The following UPK1B variants were observed in gnomAD, a reference collection of about 807,000 sequenced individuals.
UPK1B encodes uroplakin 1B, also known as uroplakin-1b.
UPK1B carries 28 observed loss-of-function variants against 34.2 expected under a neutral mutation model. That is an observed-to-expected ratio of 0.82 (90% confidence interval 0.61 to 1.12). The LOEUF is 1.12. UPK1B is among the 50% of genes most tolerant of loss of function. The pLI is 0.00. For missense variants in UPK1B, 325 were observed against 320.9 expected, an observed-to-expected ratio of 1.01 and a Z score of -0.10; for synonymous variants, 81 against 110.4, an observed-to-expected ratio of 0.73 and a Z score of 1.67.
chr3:119,196,160 T>G (rs1394530020), intron 6 of UPK1B, among the ~76,000 whole-genome samples: 3 of 152,210 alleles, frequency 2.0e-5, no homozygotes, highest in African/African-American at 7.2e-5. Flanking sequence ...TCAACCTCAC[T>G]CATTCTGCTC....
intron 1 of UPK1B, among the ~76,000 whole-genome samples, chr3:119,180,177 G>A (rs915974257): frequency 2.0e-5 from 3 of 152,202 alleles, no homozygotes; most frequent in Admixed American, 6.5e-5. Context: ...CTCTGTTACA[G>A]TCCTCTTAGG....
rs758228581 is a variant in UPK1B, at chr3:119,203,999, C to G, written c.*32C>G. ...AGTGTTGCCACCATACCTCCTTCCC[C>G]GAGTGACTCTGGATTTGGTGCTGGA... On this transcript the variant is annotated 3_prime_UTR_variant, in exon 8 of 8. Transcript: ENST00000264234. 1.9e-6 allele frequency: 3 copies of G among 1,611,146 alleles called. No homozygotes were observed. Among genetic ancestry groups the G allele is most frequent in the South Asian group, 1.1e-5 (1 of 91,032 alleles).
chr3:119,189,491 A>C (rs1420621215), intron 3 of UPK1B, among the ~76,000 whole-genome samples: 2 of 152,244 alleles, frequency 1.3e-5, no homozygotes, highest in Non-Finnish European at 2.9e-5. Context: ...CTGTTCGGAT[A>C]TTTTCCAGCC....
rs1246711333 is a variant in UPK1B at position 119,184,124 on chromosome 3, TTTTC to T, written c.-28-2588_-28-2585del. ...TCAGAGCAAGTTTCTACCTTCCTTC[TTTTC>T]TCCCACTTTTATCTGCGTTTTCCAC... On this transcript the variant is annotated intron_variant, in intron 1 of 7. Coordinates refer to ENST00000264234, the MANE Select transcript of UPK1B (RefSeq NM_006952.4). 2.0e-5 allele frequency among the ~76,000 whole-genome samples: 3 copies of T among 152,214 alleles called. No homozygotes were observed. In the East Asian group the frequency reaches 5.8e-4, roughly 29 times the overall value.
At chr3:119,198,944 G>A in intron 6 of UPK1B, 113 bp from the exon 7 acceptor site, 4 of 1,183,782 alleles carry the variant, frequency 3.4e-6, no homozygotes, top group Admixed American at 2.1e-5. Context: ...GCCTGGATAT[G>A]TGAAATCAGA....
chr3:119,179,600 C>T (rs2077979044), intron 1 of UPK1B, among the ~76,000 whole-genome samples: 1 of 138,842 alleles, frequency 7.2e-6, no homozygotes, highest in African/African-American at 2.7e-5. Flanking sequence ...AGCTCGGCCT[C>T]CCGGGTTCAC....
chr3:119,194,373 G>A lies in UPK1B; in HGVS notation c.623G>A (p.Gly208Asp). The change falls in exon 6 of 8, where the codon GGC (glycine) becomes GAC (aspartate). Residue 208 changes from glycine to aspartate, a missense_variant. Physicochemically the swap from Gly to Asp is moderately conservative, Grantham distance 94. Transcript: ENST00000264234. ...CTCAACCTGGAGGCTTGTAAACTAGGCGTGCCTGGTTTTTATCACAATCAG... is the reference window on the plus strand; with the variant it reads ...CTCAACCTGGAGGCTTGTAAACTAGACGTGCCTGGTTTTTATCACAATCAG... Reference protein sequence around the residue: ...EPLNLEACKLGVPGFYHNQGC... With the variant: ...EPLNLEACKLDVPGFYHNQGC... The A allele has an allele frequency of 6.2e-7, 1 of 1,612,802 alleles. No homozygotes were observed. The highest frequency in any genetic ancestry group is 8.5e-7 in the Non-Finnish European group (1 of 1,179,712).
intron 1 of UPK1B, among the ~76,000 whole-genome samples, chr3:119,179,350 G>GAGATAGATAGAT (rs1559899935): frequency 1.7e-5 from 1 of 59,776 alleles, no homozygotes; most frequent in African/African-American, 5.5e-5. Flanking sequence ...GAGAGAGAGG[G>GAGATAGATAGAT]AGATATATAT....
At chr3:119,199,598 G>A (rs1027634892) in intron 7 of UPK1B, among the ~76,000 whole-genome samples, 8 of 152,186 alleles carry the variant, frequency 5.3e-5, no homozygotes, top group Admixed American at 2.6e-4. Flanking sequence ...TTTATCTGAC[G>A]CATATGCAGC....
intron 2 of UPK1B, among the ~76,000 whole-genome samples, chr3:119,187,091 A>G (rs934396071): frequency 2.6e-5 from 4 of 152,188 alleles, no homozygotes; most frequent in Non-Finnish European, 4.4e-5. Context: ...CTGACTACGA[A>G]CACACTTCAC....
intron 5 of UPK1B, among the ~76,000 whole-genome samples, chr3:119,191,428 T>C (rs756608203): frequency 6.6e-6 from 1 of 152,152 alleles, no homozygotes; most frequent in Non-Finnish European, 1.5e-5. Context: ...CTTGATTTGA[T>C]CACCCAATTT....
At chr3:119,184,339 C>G (rs867470164) in intron 1 of UPK1B, among the ~76,000 whole-genome samples, 1 of 152,116 alleles carries the variant, frequency 6.6e-6, no homozygotes, top group African/African-American at 2.4e-5. Context: ...AGCCCCTCAG[C>G]GGTGCCTCTG....
intron 7 of UPK1B, among the ~76,000 whole-genome samples, chr3:119,200,923 A>C (rs2078087926): frequency 6.6e-6 from 1 of 152,208 alleles, no homozygotes; most frequent in Non-Finnish European, 1.5e-5. Context: ...TTATGAATGA[A>C]TACTTCCTTT....
At chr3:119,179,388 TATATATATATTAA>T (rs1375107287) in intron 1 of UPK1B, among the ~76,000 whole-genome samples, 2 of 93,304 alleles carry the variant, frequency 2.1e-5, no homozygotes, top group African/African-American at 1.1e-4. Flanking sequence ...TATATATATA[TATATATATATTAA>T]TTCTAAGGAA....
intron 1 of UPK1B, among the ~76,000 whole-genome samples, chr3:119,183,261 C>CT (rs11455368): frequency 0.011 from 1,443 of 129,522 alleles, 7 homozygotes; most frequent in African/African-American, 0.029. Context: ...CCAAGCTTCC[C>CT]TTTTTTTTTG....
intron 7 of UPK1B, among the ~76,000 whole-genome samples, chr3:119,202,530 C>T (rs565249573): frequency 6.6e-6 from 1 of 152,272 alleles, no homozygotes; most frequent in Non-Finnish European, 1.5e-5. Context: ...ACTGCTCTAG[C>T]TTGGGGTAGG....
chr3:119,185,195 G>A (rs927347204), intron 1 of UPK1B, among the ~76,000 whole-genome samples: 1 of 152,164 alleles, frequency 6.6e-6, no homozygotes, highest in African/African-American at 2.4e-5. Flanking sequence ...AGCTAAAAGT[G>A]CTCATAAATT....
chr3:119,201,762 T>C (rs576556594), intron 7 of UPK1B, among the ~76,000 whole-genome samples: 62 of 152,258 alleles, frequency 4.1e-4, no homozygotes, highest in African/African-American at 1.3e-3. Flanking sequence ...TCTCACAACA[T>C]CCTGAGCACA....
intron 7 of UPK1B, among the ~76,000 whole-genome samples, chr3:119,203,319 C>A (rs1218097649): frequency 4.3e-5 from 5 of 116,300 alleles, no homozygotes; most frequent in Non-Finnish European, 8.1e-5. Flanking sequence ...CCAGCCTGGG[C>A]GACAGAGCGA....
Sources: gnomAD v4.1 joint callset for allele counts (sites outside exome capture counted in the v4.1 genomes callset) on GRCh38, gnomAD v4.1.1 for gene constraint, MANE v1.5 for transcripts, NCBI Gene and HGNC (gene_info 2026-07-23, HGNC 2026-07-21) for gene names.